The following GOSR2 variants were observed in gnomAD, a reference collection of about 807,000 sequenced individuals.
GOSR2 encodes the protein 27 kDa Golgi SNARE protein.
A neutral mutation model predicts 27.9 loss-of-function variants in GOSR2; 20 were observed. That is an observed-to-expected ratio of 0.72 (90% confidence interval 0.50 to 1.04). GOSR2 has a LOEUF of 1.04. Ranked by LOEUF, GOSR2 falls within the 50% of genes least tolerant of loss-of-function variation. The pLI is 0.00. For synonymous variants in GOSR2, 91 were observed against 98.8 expected (o/e 0.92, Z 0.47); for missense variants, 261 against 270.5 (o/e 0.97, Z 0.25).
downstream of GOSR2, among the ~76,000 whole-genome samples, chr17:46,944,512 C>T (rs535143750): frequency 1.4e-3 from 207 of 152,306 alleles, no homozygotes; most frequent in African/African-American, 4.7e-3. Flanking sequence ...CCTGGAGTCC[C>T]CCAGAGAGTT....
At chr17:46,923,309 C>T (rs2085975138) in intron 1 of GOSR2, 88 bp downstream of exon 1, 2 of 1,545,844 alleles carry the variant, frequency 1.3e-6, no homozygotes, top group Middle Eastern at 1.7e-4. Flanking sequence ...GGACGTCAGC[C>T]AGGGTAGAGG....
At position 46,932,206 on chromosome 17, in the gene GOSR2, C is replaced by A. The variant is rs1445125035; in HGVS notation, c.336+7C>A. The A allele has an allele frequency of 2.5e-6, 4 of 1,613,830 alleles. No individual in the cohort carries two copies. The Admixed American group carries it at 6.7e-5, about 27-fold the overall frequency. ...TCGAACCTTCACCACTAACGTAAGC[C>A]AGGCCCGTGGTGAGGGTCGGCCTGC... On this transcript the variant is annotated splice_region_variant and intron_variant, in intron 4 of 5. Transcript: ENST00000640051.
At chr17:46,953,779 C>G (rs1028372429) in intron 6 of GOSR2, among the ~76,000 whole-genome samples, 1 of 152,222 alleles carries the variant, frequency 6.6e-6, no homozygotes, top group African/African-American at 2.4e-5. Flanking sequence ...TTGCATTTCT[C>G]TGATGGCCAG....
chr17:46,938,526 T>C (rs1008828907), intron 5 of GOSR2, 73 bp from the exon 6 acceptor site: 9 of 1,607,910 alleles, frequency 5.6e-6, no homozygotes, highest in Non-Finnish European at 6.8e-6. Context: ...AAGCTCCATC[T>C]CCTGATGCCA....
chr17:46,962,283 T>G (rs1257538494), intron 6 of GOSR2, among the ~76,000 whole-genome samples: 2 of 151,026 alleles, frequency 1.3e-5, no homozygotes, highest in East Asian at 3.9e-4. Flanking sequence ...GAGCCGAGAT[T>G]GCGCCACTGC....
chr17:46,969,108 A>T (rs532580380), downstream of GOSR2, among the ~76,000 whole-genome samples: 1 of 152,160 alleles, frequency 6.6e-6, no homozygotes, highest in African/African-American at 2.4e-5. Context: ...CTCCCAGGAG[A>T]AGCGGAAGCC....
chr17:46,930,651 C>CTT (rs34667998), intron 2 of GOSR2: 2 of 91,542 alleles, frequency 2.2e-5, no homozygotes, highest in East Asian at 3.3e-4. Context: ...TTCCTTTATG[C>CTT]TTTTTTTTTT....
At chr17:46,950,077 G>C (rs986159022) in intron 6 of GOSR2, among the ~76,000 whole-genome samples, 4 of 152,278 alleles carry the variant, frequency 2.6e-5, no homozygotes, top group African/African-American at 7.2e-5. Flanking sequence ...CCTGGAGGGA[G>C]CATGGGATAA....
At chr17:46,938,466 A>G in intron 5 of GOSR2, 133 bp from the exon 6 acceptor site, 4 of 1,376,940 alleles carry the variant, frequency 2.9e-6, no homozygotes, top group South Asian at 1.2e-5. Flanking sequence ...TTTCTGGCTG[A>G]TATTGCTTTC....
Position 46,923,240 on chromosome 17 carries a change from G to A in GOSR2, c.29+19G>A, listed in dbSNP as rs1381762053. 6.4e-7 allele frequency: 1 copy of A among 1,551,034 alleles called. No homozygotes were observed. The highest frequency in any genetic ancestry group is 2.4e-5 in the East Asian group (1 of 40,922). ...CGCACAAGTGAGGGCCGGTCGGGGAGCGGGCAGGGGCTAGACGAGGCGAGG... is the reference window on the plus strand; with the variant it reads ...CGCACAAGTGAGGGCCGGTCGGGGAACGGGCAGGGGCTAGACGAGGCGAGG... On this transcript the variant is annotated intron_variant, in intron 1 of 5. Coordinates refer to ENST00000640051, the MANE Select transcript of GOSR2 (RefSeq NM_004287.5).
intron 6 of GOSR2, among the ~76,000 whole-genome samples, chr17:46,962,102 C>T (rs1371008544): frequency 6.6e-5 from 10 of 152,194 alleles, no homozygotes. Flanking sequence ...CCGAGGCGGG[C>T]AGATCATGAA....
intron 1 of GOSR2, among the ~76,000 whole-genome samples, chr17:46,927,108 A>G (rs566283671): frequency 6.6e-6 from 1 of 152,306 alleles, no homozygotes; most frequent in African/African-American, 2.4e-5. Context: ...GGGCTGAAGA[A>G]ATGTGATCTC....
intron 4 of GOSR2, among the ~76,000 whole-genome samples, chr17:46,934,487 A>G (rs560009795): frequency 6.6e-6 from 1 of 151,966 alleles, no homozygotes; most frequent in East Asian, 1.9e-4. Context: ...GCGCCACTGC[A>G]CTCCACCCTG....
At chr17:46,972,234 G>T (rs967035917) in intron 6 of GOSR2, among the ~76,000 whole-genome samples, 5 of 152,244 alleles carry the variant, frequency 3.3e-5, no homozygotes, top group African/African-American at 9.6e-5. Context: ...CCCGCCACCC[G>T]CTTCTTCCTC....
intron 6 of GOSR2, among the ~76,000 whole-genome samples, chr17:46,958,948 A>G (rs578189693): frequency 8.5e-5 from 13 of 152,352 alleles, no homozygotes; most frequent in African/African-American, 2.4e-4. Flanking sequence ...GAATAGCATG[A>G]GATGGGAAAT....
intron 1 of GOSR2, among the ~76,000 whole-genome samples, chr17:46,929,318 C>T (rs1385978679): frequency 6.6e-6 from 1 of 152,128 alleles, no homozygotes; most frequent in Non-Finnish European, 1.5e-5. Flanking sequence ...CCATAATCTG[C>T]CTATCAGTGT....
At chr17:46,935,413 T>A in intron 5 of GOSR2, 2 of 1,427,736 alleles carry the variant, frequency 1.4e-6, no homozygotes, top group Non-Finnish European at 1.8e-6. Flanking sequence ...CCAGGTCTTT[T>A]CCCATTTACT....
rs2089074765 is a variant in GOSR2, at chr17:46,940,278, C to T, written c.*1518C>T. ...CGGTTGGAGGAGATCTCCATTGTTCCTACCCCTCCGGGCCAAATGGGCCCC... is the reference window on the plus strand; with the variant it reads ...CGGTTGGAGGAGATCTCCATTGTTCTTACCCCTCCGGGCCAAATGGGCCCC... On this transcript the variant is annotated 3_prime_UTR_variant, in exon 6 of 6. Coordinates refer to ENST00000640051, the MANE Select transcript of GOSR2 (RefSeq NM_004287.5). 2 of 1,433,842 alleles carry T rather than the reference C, an allele frequency of 1.4e-6. No individual in the cohort carries two copies. Among genetic ancestry groups the T allele is most frequent in the Non-Finnish European group, 9.1e-7 (1 of 1,098,938 alleles). 88.8% of individuals were successfully genotyped at this position (1,433,842 alleles called of 1,614,324 possible). A position where few individuals can be genotyped will look rare whatever the true frequency, so the allele number is the denominator to read the frequency against.
In GOSR2 at chr17:46,935,128, A is replaced by G; in HGVS notation, c.436A>G (p.Asn146Asp). 6.2e-7 allele frequency: 1 copy of G among 1,614,136 alleles called. No homozygotes were observed. Among genetic ancestry groups the G allele is most frequent in the Non-Finnish European group, 8.5e-7 (1 of 1,179,932 alleles). Residue 146 changes from asparagine to aspartate, a missense_variant, in exon 5 of 6, where the codon AAT (asparagine) becomes GAT (aspartate). Transcript: ENST00000640051. ...GGATGACCTCATTTTAGATGGGCACAATATTTTAGATGGACTGAGGACCCA... is the reference window on the plus strand; with the variant it reads ...GGATGACCTCATTTTAGATGGGCACGATATTTTAGATGGACTGAGGACCCA... ...GMDDLILDGH[N>D]ILDGLRTQRL...
Sources: allele counts gnomAD v4.1 joint callset (sites outside exome capture counted in the v4.1 genomes callset), GRCh38; gene constraint gnomAD v4.1.1; transcripts MANE v1.5; gene names NCBI Gene and HGNC (gene_info 2026-07-23, HGNC 2026-07-21).